The following NAPB variants were observed in gnomAD, a reference collection of about 807,000 sequenced individuals.
NAPB encodes beta-soluble NSF attachment protein.
A neutral mutation model predicts 44.7 loss-of-function variants in NAPB; 26 were observed. The ratio of observed to expected loss-of-function variants is 0.58; its 90% confidence interval spans 0.43 to 0.81. The LOEUF (loss-of-function observed/expected upper bound fraction) is 0.81, where lower values mean the gene tolerates loss of function less well. NAPB is among the 30% of genes least tolerant of loss of function. The pLI is 0.00. For missense variants in NAPB, 315 were observed against 356.4 expected (o/e 0.88, Z 0.94); for synonymous variants, 120 against 116.8 (o/e 1.03, Z -0.18).
intron 1 of NAPB, among the ~76,000 whole-genome samples, chr20:23,409,874 C>A (rs1006675792): frequency 6.6e-6 from 1 of 152,182 alleles, no homozygotes; most frequent in Admixed American, 6.5e-5. Context: ...GCCTCTGCTG[C>A]CAGTCAGAGG....
In NAPB at chr20:23,397,159, TG is replaced by T. The variant is rs1984427833; in HGVS notation, c.207del (p.Lys70SerfsTer35). 1 of 1,612,810 alleles carries T rather than the reference TG, an allele frequency of 6.2e-7. No homozygotes were observed. Among genetic ancestry groups the T allele is most frequent in the Admixed American group, 1.7e-5 (1 of 59,962 alleles). ...TTGCTCTGAAGCTGCATGTGGAGCT[TG>T]GCTGCCTGACAAAATGCGTTTCCTG... Reference protein sequence around the residue: ...SAAGNAFCQAAKLHMQLQSKH... With the variant: ...SAAGNAFCQAXKLHMQLQSKH... On this transcript the variant is annotated frameshift_variant, in exon 3 of 11. Transcript: ENST00000377026. LOFTEE classifies it high-confidence loss of function.
intron 1 of NAPB, among the ~76,000 whole-genome samples, chr20:23,403,363 G>A (rs1452206326): frequency 6.6e-6 from 1 of 152,188 alleles, no homozygotes; most frequent in East Asian, 1.9e-4. Context: ...AGAACTTTGG[G>A]AGGCCAAGGC....
chr20:23,395,913 G>T (rs751162440), intron 3 of NAPB, among the ~76,000 whole-genome samples: 3 of 152,096 alleles, frequency 2.0e-5, no homozygotes, highest in Non-Finnish European at 2.9e-5. Flanking sequence ...AAGTAGAAAG[G>T]CCTGACTACA....
At position 23,377,415 on chromosome 20, in the gene NAPB, G is replaced by A. The variant is rs767429914; in HGVS notation, c.858C>T (p.Ser286=). 1 of 1,602,260 alleles carries A rather than the reference G, an allele frequency of 6.2e-7. No individual in the cohort carries two copies. Among genetic ancestry groups the A allele is most frequent in the South Asian group, 1.1e-5 (1 of 88,814 alleles). Residue 286 remains serine (S), a synonymous_variant, in exon 11 of 11, where the codon TCC becomes TCT. Transcript: ENST00000377026. Reference sequence around the variant, plus strand: ...CATCTCCTTCTCCATCCCCTTGGATGGACTTTTTGATGCGAAGCAACATGG... The same window carrying A: ...CATCTCCTTCTCCATCCCCTTGGATAGACTTTTTGATGCGAAGCAACATGG... ...LTTMLLRIKK[S]IQGDGEGDGD...
chr20:23,403,194 C>A, intron 1 of NAPB, 122 bp from the exon 2 acceptor site: 2 of 720,642 alleles, frequency 2.8e-6, no homozygotes, highest in Non-Finnish European at 2.3e-6. Flanking sequence ...AGAATCTTAA[C>A]CTCTATTTAA....
intron 10 of NAPB, among the ~76,000 whole-genome samples, chr20:23,377,849 C>T (rs1982643601): frequency 6.6e-6 from 1 of 152,106 alleles, no homozygotes; most frequent in African/African-American, 2.4e-5. Flanking sequence ...ACATTAATTA[C>T]AGAGTTAGAA....
At chr20:23,379,204 A>T in intron 10 of NAPB, 1 of 403,200 alleles carries the variant, frequency 2.5e-6, no homozygotes, top group Non-Finnish European at 4.4e-6. Flanking sequence ...TATAAATGGA[A>T]TATTTGCTCC....
chr20:23,413,839 C>G (rs914719792), intron 1 of NAPB, among the ~76,000 whole-genome samples: 1 of 151,706 alleles, frequency 6.6e-6, no homozygotes. Flanking sequence ...CAAAGAAATA[C>G]CCATCAAAAG....
chr20:23,412,681 A>T (rs116644539), intron 1 of NAPB, among the ~76,000 whole-genome samples: 3,127 of 152,310 alleles, frequency 0.021, 114 homozygotes, highest in African/African-American at 0.071. Context: ...GACAAGAGGG[A>T]TCTCTATCAA....
rs1345627806 is a variant in NAPB, at chr20:23,377,441, T to C, written c.832A>G (p.Thr278Ala). Residue 278 changes from threonine (T) to alanine (A), a missense_variant, in exon 11 of 11, where the codon ACC (threonine) becomes GCC (alanine). This residue lies in a region of NAPB where 120 missense variants were observed against 130.5 expected (regional missense o/e 0.92). Coordinates refer to ENST00000377026, the MANE Select transcript of NAPB (RefSeq NM_022080.3). ...GACTTTTTGATGCGAAGCAACATGG[T>C]GGTCAGCCACTGATCCAAGCGAGAT... ...SISRLDQWLT[T>A]MLLRIKKSIQ... is the part of the protein sequence containing the mutation. 2 of 1,608,074 alleles carry C rather than the reference T, an allele frequency of 1.2e-6. No homozygotes were observed. The highest frequency in any genetic ancestry group is 8.5e-7 in the Non-Finnish European group (1 of 1,175,894).
intron 10 of NAPB, among the ~76,000 whole-genome samples, chr20:23,378,571 A>G (rs1056766571): frequency 8.7e-5 from 13 of 149,956 alleles, no homozygotes; most frequent in Admixed American, 8.0e-4. Context: ...CCTCCCGAGT[A>G]GCTGGTATTA....
chr20:23,420,073 G>A (rs1180056400), intron 1 of NAPB, among the ~76,000 whole-genome samples: 1 of 152,148 alleles, frequency 6.6e-6, no homozygotes, highest in African/African-American at 2.4e-5. Context: ...AACAGCAAAG[G>A]ATCTTTCACT....
At chr20:23,387,516 A>G (rs1175680808) in intron 7 of NAPB, among the ~76,000 whole-genome samples, 1 of 152,246 alleles carries the variant, frequency 6.6e-6, no homozygotes, top group Non-Finnish European at 1.5e-5. Context: ...AAAACCTATT[A>G]GAGCTAATAA....
intron 5 of NAPB, among the ~76,000 whole-genome samples, chr20:23,394,642 G>A (rs771176124): frequency 6.6e-6 from 1 of 152,206 alleles, no homozygotes; most frequent in Non-Finnish European, 1.5e-5. Flanking sequence ...CAATACAGCT[G>A]AAGGTTCTTT....
At chr20:23,387,671 T>C (rs978368115) in intron 7 of NAPB, among the ~76,000 whole-genome samples, 1 of 152,088 alleles carries the variant, frequency 6.6e-6, no homozygotes, top group African/African-American at 2.4e-5. Context: ...CTTTGGAGTA[T>C]ATTTCACCCA....
intron 3 of NAPB, 147 bp downstream of exon 3, chr20:23,396,925 G>T: frequency 2.6e-6 from 2 of 781,084 alleles, no homozygotes; most frequent in Non-Finnish European, 3.7e-6. Flanking sequence ...AATCCCTAAG[G>T]TTATCAAAAT....
At chr20:23,410,953 T>C (rs540956944) in intron 1 of NAPB, among the ~76,000 whole-genome samples, 2 of 152,110 alleles carry the variant, frequency 1.3e-5, no homozygotes, top group East Asian at 1.9e-4. Context: ...AAAGACAAAA[T>C]GATCTCAGAA....
intron 7 of NAPB, among the ~76,000 whole-genome samples, chr20:23,387,666 G>T (rs1202473574): frequency 2.6e-5 from 4 of 152,018 alleles, no homozygotes; most frequent in Admixed American, 6.6e-5. Context: ...AAATACTTTG[G>T]AGTATATTTC....
chr20:23,410,694 A>T (rs1354220720), intron 1 of NAPB, among the ~76,000 whole-genome samples: 1 of 152,190 alleles, frequency 6.6e-6, no homozygotes, highest in African/African-American at 2.4e-5. Flanking sequence ...TAAAAGTTGT[A>T]AAAAAGGAAC....
Sources: allele counts gnomAD v4.1 joint callset (sites outside exome capture counted in the v4.1 genomes callset), GRCh38; gene constraint gnomAD v4.1.1; regional missense constraint gnomAD v4.1.1; transcripts MANE v1.5; gene names NCBI Gene and HGNC (gene_info 2026-07-23, HGNC 2026-07-21).